The following TRNAU1AP variants were observed in gnomAD, a reference collection of about 807,000 sequenced individuals.
The protein encoded by TRNAU1AP is tRNA selenocysteine 1-associated protein 1.
TRNAU1AP carries 33 observed loss-of-function variants against 43.3 expected under a neutral mutation model. The observed-to-expected ratio is 0.76, with a 90% CI of 0.58 to 1.02. TRNAU1AP has a LOEUF of 1.02. Among genes scored for constraint, TRNAU1AP ranks in the 50% least tolerant of loss-of-function variants. The pLI is 0.00. For missense variants in TRNAU1AP, 290 were observed against 362.7 expected (o/e 0.80, Z 1.63); for synonymous variants, 143 against 129.1 (o/e 1.11, Z -0.73).
chr1:28,571,660 A>C (rs949013351), intron 7 of TRNAU1AP, among the ~76,000 whole-genome samples: 5 of 151,842 alleles, frequency 3.3e-5, no homozygotes, highest in African/African-American at 1.2e-4. Context: ...GCAGGCGCCT[A>C]TAATCCCAGC....
chr1:28,558,811 C>T (rs550567976), intron 2 of TRNAU1AP, among the ~76,000 whole-genome samples: 7 of 152,046 alleles, frequency 4.6e-5, no homozygotes, highest in South Asian at 2.1e-4. Context: ...GTGATCCGCC[C>T]GCCTCGGCCT....
intron 8 of TRNAU1AP, 63 bp downstream of exon 8, chr1:28,571,963 G>T (rs1440160300): frequency 3.6e-6 from 5 of 1,405,586 alleles, no homozygotes; most frequent in Non-Finnish European, 5.0e-6. Context: ...GGCTGGCACT[G>T]TGCTCTCAGC....
At chr1:28,565,368 C>G (rs1387029706) in intron 5 of TRNAU1AP, 1 of 153,548 alleles carries the variant, frequency 6.5e-6, no homozygotes, top group African/African-American at 2.4e-5. Flanking sequence ...ACCTGTAGTC[C>G]CAGCTACTTG....
intron 2 of TRNAU1AP, among the ~76,000 whole-genome samples, chr1:28,554,351 A>G (rs1325074911): frequency 1.2e-4 from 19 of 152,060 alleles, no homozygotes; most frequent in South Asian, 2.1e-4. Context: ...CCTACCTCCT[A>G]GAGTTATGGT....
chr1:28,556,997 A>G (rs533058207), intron 2 of TRNAU1AP, among the ~76,000 whole-genome samples: 15 of 148,200 alleles, frequency 1.0e-4, no homozygotes, highest in African/African-American at 3.2e-4. Flanking sequence ...TATTTTTAGT[A>G]TAGATGGGAT....
chr1:28,571,783 A>AAAAAAAAATAAAT, intron 7 of TRNAU1AP, 84 bp from the exon 8 acceptor site: 1 of 1,136,598 alleles, frequency 8.8e-7, no homozygotes, highest in Admixed American at 1.9e-5. Context: ...ACTCCACCTC[A>AAAAAAAAATAAAT]AAAAAAATAA....
intron 6 of TRNAU1AP, among the ~76,000 whole-genome samples, chr1:28,569,307 A>G (rs1386091464): frequency 6.6e-6 from 1 of 152,134 alleles, no homozygotes; most frequent in Non-Finnish European, 1.5e-5. Flanking sequence ...AAGTGGGAGA[A>G]TTGATTGAGC....
At chr1:28,574,237 A>G (rs890104979) in intron 8 of TRNAU1AP, among the ~76,000 whole-genome samples, 10 of 151,692 alleles carry the variant, frequency 6.6e-5, no homozygotes, top group Non-Finnish European at 1.2e-4. Flanking sequence ...ACAGGCATGC[A>G]CCACCACGCT....
chr1:28,563,331 C>G (rs893748072), intron 4 of TRNAU1AP, among the ~76,000 whole-genome samples: 2 of 151,870 alleles, frequency 1.3e-5, no homozygotes, highest in Non-Finnish European at 2.9e-5. Flanking sequence ...GGGCAGATCA[C>G]AAGGTCAGGA....
At chr1:28,565,578 A>T (rs1414545594) in intron 5 of TRNAU1AP, 1 of 151,996 alleles carries the variant, frequency 6.6e-6, no homozygotes, top group Non-Finnish European at 1.5e-5. Flanking sequence ...ACCTGAGGTC[A>T]GGACTTTGAA....
intron 8 of TRNAU1AP, among the ~76,000 whole-genome samples, chr1:28,573,489 A>G (rs2124216757): frequency 6.6e-6 from 1 of 151,492 alleles, no homozygotes; most frequent in Admixed American, 6.6e-5. Flanking sequence ...AAATAAAAAA[A>G]TTGCCAGGCG....
intron 4 of TRNAU1AP, among the ~76,000 whole-genome samples, chr1:28,561,753 C>T (rs1466636681): frequency 6.6e-6 from 1 of 152,164 alleles, no homozygotes; most frequent in Non-Finnish European, 1.5e-5. Flanking sequence ...GCCTGGGCAA[C>T]ATGGCAAAAC....
intron 2 of TRNAU1AP, 146 bp downstream of exon 2, chr1:28,553,883 T>G: frequency 1.4e-6 from 1 of 721,974 alleles, no homozygotes; most frequent in Non-Finnish European, 2.4e-6. Context: ...TCCCAATGAG[T>G]GGAAGGATGG....
intron 7 of TRNAU1AP, 81 bp from the exon 8 acceptor site, chr1:28,571,786 A>AAAAAAAATAAAATAAAAT: frequency 9.9e-7 from 1 of 1,008,574 alleles, no homozygotes; most frequent in Non-Finnish European, 1.5e-6. Flanking sequence ...CCACCTCAAA[A>AAAAAAAATAAAATAAAAT]AAAATAAAAA....
rs139657212 is a variant in TRNAU1AP, at chr1:28,566,715, C to A, written c.411-579C>A. Among the ~76,000 whole-genome samples, 311 of 150,152 alleles carry A rather than the reference C, an allele frequency of 2.1e-3. 11 individuals carry two copies. In the East Asian group the frequency reaches 0.037, roughly 18 times the overall value. On this transcript the variant is annotated intron_variant, in intron 5 of 8. Transcript: ENST00000373830. ...CGGAGCTTGCAGTGAGCCGAGATCACGCCATTGCACTCCAGCCTGGGCAAC... is the reference window on the plus strand; with the variant it reads ...CGGAGCTTGCAGTGAGCCGAGATCAAGCCATTGCACTCCAGCCTGGGCAAC...
intron 4 of TRNAU1AP, among the ~76,000 whole-genome samples, chr1:28,563,567 C>G (rs1161301094): frequency 2.6e-5 from 4 of 151,992 alleles, no homozygotes; most frequent in Non-Finnish European, 5.9e-5. Context: ...ACCTGTAATC[C>G]CAGCTACTCA....
intron 2 of TRNAU1AP, chr1:28,554,034 C>G (rs1378878764): frequency 9.0e-6 from 2 of 222,642 alleles, no homozygotes; most frequent in African/African-American, 4.5e-5. Context: ...CCCGTCTCTA[C>G]TAAAAATACA....
At chr1:28,558,424 C>T (rs1359842445) in intron 2 of TRNAU1AP, among the ~76,000 whole-genome samples, 1 of 151,242 alleles carries the variant, frequency 6.6e-6, no homozygotes, top group Admixed American at 6.6e-5. Context: ...GACCCAGTCT[C>T]ACCGTGTCAT....
Position 28,569,831 on chromosome 1 carries a change from C to CA in TRNAU1AP, c.531-1325dup, listed in dbSNP as rs760723401. On this transcript the variant is annotated intron_variant, in intron 6 of 8. Transcript: ENST00000373830. ...GAAACCCCGTCTCTACTAAAAATACCAAAAAAAAAAAAAAAAAAAATTAGC... is the reference window on the plus strand; with the variant it reads ...GAAACCCCGTCTCTACTAAAAATACCAAAAAAAAAAAAAAAAAAAAATTAGC... 4.5e-3 allele frequency among the ~76,000 whole-genome samples: 476 copies of CA among 106,342 alleles called. 1 individual carries two copies. The highest frequency in any genetic ancestry group is 9.0e-3 in the African/African-American group (264 of 29,406). The allele number at this position is 106,342 out of a possible 152,430, so 69.8% of individuals were successfully genotyped here. A position where few individuals can be genotyped will look rare whatever the true frequency, so the allele number is the denominator to read the frequency against.
Sources: gnomAD v4.1 joint callset for allele counts (sites outside exome capture counted in the v4.1 genomes callset) on GRCh38, gnomAD v4.1.1 for gene constraint, MANE v1.5 for transcripts, NCBI Gene and HGNC (gene_info 2026-07-23, HGNC 2026-07-21) for gene names.